TRIM24: variants seen among roughly 807,000 people sequenced by gnomAD.
TRIM24 encodes transcription intermediary factor 1-alpha.
A neutral mutation model predicts 123.9 loss-of-function variants in TRIM24; 29 were observed. The observed-to-expected ratio is 0.23, with a 90% CI of 0.17 to 0.32. The LOEUF (loss-of-function observed/expected upper bound fraction) is 0.32, where lower values mean the gene tolerates loss of function less well. Among genes scored for constraint, TRIM24 ranks in the 10% least tolerant of loss-of-function variants. The pLI, the probability that TRIM24 is intolerant of heterozygous loss-of-function variation, is 1.00. For synonymous variants in TRIM24, 456 were observed against 461.1 expected, an observed-to-expected ratio of 0.99 and a Z score of 0.14; for missense variants, 932 against 1,295.3, an observed-to-expected ratio of 0.72 and a Z score of 4.31.
intron 1 of TRIM24, among the ~76,000 whole-genome samples, chr7:138,469,601 C>T (rs1795226823): frequency 6.6e-6 from 1 of 152,120 alleles, no homozygotes; most frequent in Non-Finnish European, 1.5e-5. Context: ...CGAGCCCTTT[C>T]TTAATTTTAC....
intron 1 of TRIM24, among the ~76,000 whole-genome samples, chr7:138,496,548 T>C (rs1208914079): frequency 1.3e-5 from 2 of 152,250 alleles, no homozygotes; most frequent in Non-Finnish European, 2.9e-5. Flanking sequence ...AAATATATAT[T>C]AGCTGTAGGT....
intron 9 of TRIM24, among the ~76,000 whole-genome samples, chr7:138,565,015 A>G (rs1797506236): frequency 6.6e-6 from 1 of 151,898 alleles, no homozygotes; most frequent in South Asian, 2.1e-4. Flanking sequence ...CCCCACAATT[A>G]CTAAATTGTG....
At position 138,577,359 on chromosome 7, in the gene TRIM24, TTTTATGAGGTA is replaced by T. The variant is rs879309031; in HGVS notation, c.2088-56_2088-46del. On this transcript the variant is annotated intron_variant, in intron 13 of 18. Coordinates refer to ENST00000343526, the MANE Select transcript of TRIM24 (RefSeq NM_015905.3). ...TATTTTAGAAAGTTGTTGTTATACT[TTTTATGAGGTA>T]TTTAGCTTAACATTCTTAGATTGCT... 328 of 1,340,960 alleles carry T rather than the reference TTTTATGAGGTA, an allele frequency of 2.4e-4. No homozygotes were observed. The Middle Eastern group carries it at 2.5e-3, about 10-fold the overall frequency. 83.1% of individuals were successfully genotyped at this position (1,340,960 alleles called of 1,614,324 possible). A position where few individuals can be genotyped will look rare whatever the true frequency, so the allele number is the denominator to read the frequency against.
intron 9 of TRIM24, among the ~76,000 whole-genome samples, chr7:138,563,425 T>C (rs1387116908): frequency 6.6e-6 from 1 of 152,202 alleles, no homozygotes; most frequent in East Asian, 1.9e-4. Flanking sequence ...CCCATCTCCG[T>C]CTGTGCCCGT....
At chr7:138,519,064 T>C in intron 3 of TRIM24, 125 bp from the exon 4 acceptor site, 1 of 1,067,892 alleles carries the variant, frequency 9.4e-7, no homozygotes, top group Non-Finnish European at 1.3e-6. Context: ...GTGAAAGTTA[T>C]GGTATAGTAT....
chr7:138,535,960 T>C (rs919882257), intron 6 of TRIM24, among the ~76,000 whole-genome samples: 1 of 152,222 alleles, frequency 6.6e-6, no homozygotes, highest in African/African-American at 2.4e-5. Context: ...CTTCGTTTCA[T>C]TCATTTGATC....
At chr7:138,490,143 T>C (rs2116496731) in intron 1 of TRIM24, among the ~76,000 whole-genome samples, 1 of 152,304 alleles carries the variant, frequency 6.6e-6, no homozygotes, top group Middle Eastern at 3.4e-3. Flanking sequence ...TTGATCGTGT[T>C]GGCTACTGAA....
chr7:138,477,159 C>T (rs1441723058), intron 1 of TRIM24, among the ~76,000 whole-genome samples: 1 of 151,844 alleles, frequency 6.6e-6, no homozygotes, highest in Non-Finnish European at 1.5e-5. Context: ...CTTATATTTA[C>T]AAATAAACAA....
intron 1 of TRIM24, among the ~76,000 whole-genome samples, chr7:138,480,641 G>GT (rs1287455170): frequency 6.6e-6 from 1 of 151,864 alleles, no homozygotes; most frequent in East Asian, 1.9e-4. Context: ...GTTTTGTTTT[G>GT]TTTTTTTAAA....
chr7:138,504,443 AGCTCTT>A, intron 2 of TRIM24, 35 bp downstream of exon 2: 39 of 641,404 alleles, frequency 6.1e-5, no homozygotes, highest in Non-Finnish European at 8.3e-5. Flanking sequence ...TTTGCCTGCC[AGCTCTT>A]TTTTTTTTTT....
chr7:138,576,356 G>T lies in TRIM24; in HGVS notation c.2015-17G>T. 6.2e-7 allele frequency: 1 copy of T among 1,609,546 alleles called. No individual in the cohort carries two copies. The highest frequency in any genetic ancestry group is 8.5e-7 in the Non-Finnish European group (1 of 1,176,308). ...TTATTCATTCGTTTTATGAATGTAT[G>T]GTTTCCCCCTCCTCAGGACCTGTTA... is the stretch of plus-strand genomic sequence containing the variant. On this transcript the variant is annotated splice_polypyrimidine_tract_variant and intron_variant, in intron 12 of 18. Coordinates refer to ENST00000343526, the MANE Select transcript of TRIM24 (RefSeq NM_015905.3).
chr7:138,496,107 A>G (rs1381984302), intron 1 of TRIM24, among the ~76,000 whole-genome samples: 3 of 152,146 alleles, frequency 2.0e-5, no homozygotes, highest in Non-Finnish European at 4.4e-5. Context: ...AAATTTTAGG[A>G]TCAGTTTGTT....
At chr7:138,463,116 C>T (rs1038977194) in intron 1 of TRIM24, among the ~76,000 whole-genome samples, 7 of 141,204 alleles carry the variant, frequency 5.0e-5, no homozygotes, top group Non-Finnish European at 9.1e-5. Flanking sequence ...TCTTGAACTC[C>T]CGACCTCAGG....
chr7:138,508,722 T>TGTGTGTGTGTGC (rs1258402332), intron 2 of TRIM24, among the ~76,000 whole-genome samples: 4,936 of 124,056 alleles, frequency 0.04, 115 homozygotes, highest in Middle Eastern at 0.09. Context: ...TGTGTGTGCG[T>TGTGTGTGTGTGC]GTGTGTGTGT....
At chr7:138,490,606 C>T in intron 1 of TRIM24, 1 of 275,658 alleles carries the variant, frequency 3.6e-6, no homozygotes, top group Non-Finnish European at 7.0e-6. Context: ...GGTTCATATC[C>T]AACAGCTCAT....
rs558243556 is a variant in TRIM24 at position 138,531,432 on chromosome 7, T to G, written c.996+2202T>G. Among the ~76,000 whole-genome samples the G allele has an allele frequency of 4.2e-4, 63 of 148,956 alleles. 1 individual carries two copies. Among genetic ancestry groups the G allele is most frequent in the Admixed American group, 1.3e-4 (2 of 14,944 alleles). ...CCTTCCTGTGTCCAAGTGTTCTCAT[T>G]GTTCAATTCCCACCTATGAATGAGA... On this transcript the variant is annotated intron_variant, in intron 6 of 18. Transcript: ENST00000343526.
intron 7 of TRIM24, among the ~76,000 whole-genome samples, chr7:138,541,535 C>T (rs762968271): frequency 2.6e-4 from 40 of 152,232 alleles, no homozygotes; most frequent in Non-Finnish European, 4.1e-4. Context: ...GCTGTAATCC[C>T]GGCTTTGTTT....
At position 138,528,844 on chromosome 7, in the gene TRIM24, C is replaced by G. The variant is rs545845446; in HGVS notation, c.882-272C>G. Reference sequence around the variant, plus strand: ...TTCCTGGGTGTTCTCATAATTTTTCCAAACCATATTTTCTTAAAATGTACT... The same window carrying G: ...TTCCTGGGTGTTCTCATAATTTTTCGAAACCATATTTTCTTAAAATGTACT... On this transcript the variant is annotated intron_variant, in intron 5 of 18. Coordinates refer to ENST00000343526, the MANE Select transcript of TRIM24 (RefSeq NM_015905.3). 2.2e-3 allele frequency among the ~76,000 whole-genome samples: 294 copies of G among 132,370 alleles called. 4 individuals carry two copies. The highest frequency in any genetic ancestry group is 8.2e-3 in the African/African-American group (282 of 34,556). 86.8% of individuals were successfully genotyped at this position (132,370 alleles called of 152,430 possible).
intron 1 of TRIM24, among the ~76,000 whole-genome samples, chr7:138,474,127 T>TA (rs1795345080): frequency 1.7e-5 from 1 of 59,854 alleles, no homozygotes; most frequent in Non-Finnish European, 3.5e-5. Context: ...TTGTACTTTT[T>TA]CTTTTTTTTT....
Sources: allele counts gnomAD v4.1 joint callset (sites outside exome capture counted in the v4.1 genomes callset), GRCh38; gene constraint gnomAD v4.1.1; transcripts MANE v1.5; gene names NCBI Gene and HGNC (gene_info 2026-07-23, HGNC 2026-07-21).